PSCA: variants seen among roughly 807,000 people sequenced by gnomAD.
PSCA encodes prostate stem cell antigen.
A neutral mutation model predicts 7.9 loss-of-function variants in PSCA; 7 were observed. The ratio of observed to expected loss-of-function variants is 0.89; its 90% CI spans 0.51 to 1.67. PSCA has a LOEUF of 1.67. Ranked by LOEUF, PSCA falls within the 40% of genes most tolerant of loss-of-function variation. The probability of loss-of-function intolerance (pLI) is 0.00; values close to 1 mark genes in which losing one functional copy is unlikely to be tolerated. For missense variants in PSCA, 151 were observed against 147.9 expected, an observed-to-expected ratio of 1.02 and a Z score of -0.11; for synonymous variants, 61 against 68.3, an observed-to-expected ratio of 0.89 and a Z score of 0.53.
intron 1 of PSCA, among the ~76,000 whole-genome samples, chr8:142,671,944 C>T (rs587649751): frequency 8.5e-5 from 13 of 152,198 alleles, no homozygotes; most frequent in Non-Finnish European, 1.5e-4. Flanking sequence ...TTCTTTGGCT[C>T]TTTTTGTTCA....
chr8:142,682,120 CG>C lies in PSCA; in HGVS notation c.335del (p.Gly112AlafsTer141), dbSNP rs1563805911. ...CACTCGGCCTGCTGCTCTGGGGACCCGGCCAGCTCTAGGCTCTGGGGGGCCC... is the reference window on the plus strand; with the variant it reads ...CACTCGGCCTGCTGCTCTGGGGACCCGCCAGCTCTAGGCTCTGGGGGGCCC... ...PALGLLLWGPGQL is the reference protein window; with the variant it reads ...PALGLLLWGPXQL On this transcript the variant is annotated frameshift_variant, in exon 3 of 3. Transcript: ENST00000301258. LOFTEE classifies it high-confidence loss of function. 3.1e-6 allele frequency: 5 copies of C among 1,600,884 alleles called. No individual in the cohort carries two copies. Among genetic ancestry groups the C allele is most frequent in the Non-Finnish European group, 4.2e-6 (5 of 1,178,858 alleles).
chr8:142,679,270 G>A (rs782485518), upstream of PSCA, among the ~76,000 whole-genome samples: 25 of 152,310 alleles, frequency 1.6e-4, no homozygotes, highest in Non-Finnish European at 3.2e-4. Flanking sequence ...TCCCCGACTC[G>A]TTTGCAGCTA....
intron 2 of PSCA, 102 bp from the exon 3 acceptor site, chr8:142,681,819 G>A (rs1481841960): frequency 1.2e-6 from 1 of 829,352 alleles, no homozygotes. Flanking sequence ...AGCCCAGGGG[G>A]ACTCTAGAGC....
At chr8:142,670,899 A>C (rs1563801758) in intron 1 of PSCA, among the ~76,000 whole-genome samples, 1 of 152,212 alleles carries the variant, frequency 6.6e-6, no homozygotes, top group South Asian at 2.1e-4. Flanking sequence ...GGATGCTAAA[A>C]TCCTTGATGC....
rs1814641276 is a variant in PSCA, at chr8:142,681,714, G to T, written c.134-207G>T. 6.6e-6 allele frequency: 4 copies of T among 605,726 alleles called. No individual in the cohort carries two copies. The East Asian group carries it at 8.3e-5, about 13-fold the overall frequency. 37.5% of individuals were successfully genotyped at this position (605,726 alleles called of 1,614,324 possible). The stretch of plus-strand genomic sequence containing the variant: ...TCACTTACTCACTCACCCCATTTCT[G>T]ACGCTCAGCGGGTGGTCCATCTGCC... On this transcript the variant is annotated intron_variant, in intron 2 of 2. Coordinates refer to ENST00000301258, the MANE Select transcript of PSCA (RefSeq NM_005672.5).
At chr8:142,681,268 C>A in intron 1 of PSCA, 59 bp from the exon 2 acceptor site, 1 of 1,355,684 alleles carries the variant, frequency 7.4e-7, no homozygotes, top group South Asian at 1.3e-5. Context: ...CCTGGGAGCC[C>A]CCATTCCTGG....
Position 142,682,089 on chromosome 8 carries a change from T to C in PSCA, c.302T>C (p.Leu101Pro), listed in dbSNP as rs1374261806. 1.9e-6 allele frequency: 3 copies of C among 1,605,764 alleles called. No individual in the cohort carries two copies. Among genetic ancestry groups the C allele is most frequent in the African/African-American group, 1.3e-5 (1 of 74,932 alleles). ...CCGGCTGCTGCCATCCTTGCGCTGC[T>C]CCCTGCACTCGGCCTGCTGCTCTGG... ...LQPAAAILAL[L>P]PALGLLLWGP... The change falls in exon 3 of 3, where the codon CTC (leucine) becomes CCC (proline). Residue 101 changes from leucine to proline, a missense_variant. Transcript: ENST00000301258.
In PSCA at chr8:142,682,682, TCAGCA is replaced by T; in HGVS notation, c.*555_*559del. 2.9e-6 allele frequency: 1 copy of T among 344,812 alleles called. No homozygotes were observed. Among genetic ancestry groups the T allele is most frequent in the East Asian group, 7.5e-5 (1 of 13,274 alleles). 21.4% of individuals were successfully genotyped at this position (344,812 alleles called of 1,614,324 possible). On this transcript the variant is annotated 3_prime_UTR_variant, in exon 3 of 3. Coordinates refer to ENST00000301258, the MANE Select transcript of PSCA (RefSeq NM_005672.5). Reference sequence around the variant, plus strand: ...TCGTGGGGCTCCCTGAATGGCAGCCTCAGCACAGCGTAGGCCCTTAATAAACACCT... The same window carrying T: ...TCGTGGGGCTCCCTGAATGGCAGCCTCAGCGTAGGCCCTTAATAAACACCT...
upstream of PSCA, among the ~76,000 whole-genome samples, chr8:142,679,370 G>A (rs1456477019): frequency 1.3e-5 from 2 of 152,160 alleles, no homozygotes; most frequent in African/African-American, 4.8e-5. Flanking sequence ...ATAAATGAAG[G>A]CCCGTCCAAC....
Position 142,682,666 on chromosome 8 carries a change from T to G in PSCA, c.*534T>G. The stretch of plus-strand genomic sequence containing the variant: ...GGGCCAGGCCTCACATTCGTGGGGC[T>G]CCCTGAATGGCAGCCTCAGCACAGC... On this transcript the variant is annotated 3_prime_UTR_variant, in exon 3 of 3. Coordinates refer to ENST00000301258, the MANE Select transcript of PSCA (RefSeq NM_005672.5). The G allele has an allele frequency of 2.9e-6, 1 of 345,974 alleles. No homozygotes were observed. Among genetic ancestry groups the G allele is most frequent in the Non-Finnish European group, 5.8e-6 (1 of 173,318 alleles). 21.4% of individuals were successfully genotyped at this position (345,974 alleles called of 1,614,324 possible).
At position 142,681,434 on chromosome 8, in the gene PSCA, C is replaced by T. The variant is rs782393686; in HGVS notation, c.133C>T (p.Arg45Cys). 10 of 1,585,352 alleles carry T rather than the reference C, an allele frequency of 6.3e-6. No homozygotes were observed. The highest frequency in any genetic ancestry group is 4.6e-5 in the East Asian group (2 of 43,334). The part of the protein sequence containing the change: ...LGEQCWTARI[R>C]AVGLLTVISK... ...GGAGCAGTGCTGGACCGCGCGCATC[C>T]GTGAGTGGGGGGACGACAGCCGCCA... Residue 45 changes from arginine to cysteine, a missense_variant and splice_region_variant, in exon 2 of 3, where the codon CGC becomes TGC. Physicochemically the swap from Arg to Cys is radical, Grantham distance 180. Coordinates refer to ENST00000301258, the MANE Select transcript of PSCA (RefSeq NM_005672.5).
Position 142,673,572 on chromosome 8 carries a change from G to A in PSCA, n.261+3004G>A, listed in dbSNP as rs587771659. Among the ~76,000 whole-genome samples the A allele has an allele frequency of 3.3e-5, 5 of 152,320 alleles. No homozygotes were observed. Among genetic ancestry groups the A allele is most frequent in the South Asian group, 4.1e-4 (2 of 4,830 alleles). On this transcript the variant is annotated intron_variant and non_coding_transcript_variant, in intron 1 of 1. Coordinates refer to the PSCA transcript ENST00000505305. The surrounding 1 kb of genome is among the most constrained non-coding windows in gnomAD (Gnocchi z 4.6). Reference sequence around the variant, plus strand: ...TTAATTCATGCAGAGCCAGCTGAACGGGAGACCAGAGTTTTATCATCACTC... The same window carrying A: ...TTAATTCATGCAGAGCCAGCTGAACAGGAGACCAGAGTTTTATCATCACTC...
At chr8:142,680,784 A>T in intron 1 of PSCA, 1 of 627,608 alleles carries the variant, frequency 1.6e-6, no homozygotes, top group Non-Finnish European at 2.8e-6. Flanking sequence ...TTGCAGGGGC[A>T]GCACGGAGTC....
upstream of PSCA, among the ~76,000 whole-genome samples, chr8:142,676,794 C>T (rs1266321593): frequency 6.6e-6 from 1 of 152,232 alleles, no homozygotes; most frequent in Non-Finnish European, 1.5e-5. Flanking sequence ...CACACAGAGC[C>T]AGCTGACCGG....
chr8:142,681,559 C>T (rs1814635884), intron 2 of PSCA, 125 bp downstream of exon 2: 4 of 788,412 alleles, frequency 5.1e-6, no homozygotes, highest in Admixed American at 2.1e-5. Flanking sequence ...CCCGCACCTG[C>T]ACCCCCAACA....
chr8:142,674,188 CA>C (rs1847369060), intron 1 of PSCA, among the ~76,000 whole-genome samples: 1 of 148,416 alleles, frequency 6.7e-6, no homozygotes, highest in South Asian at 2.2e-4. Context: ...CTAACCTCTG[CA>C]GAGCTCAGAT....
Position 142,682,189 on chromosome 8 carries a change from C to CA in PSCA, c.*58dup. The CA allele has an allele frequency of 6.5e-7, 1 of 1,533,032 alleles. No individual in the cohort carries two copies. 95.0% of individuals were successfully genotyped at this position (1,533,032 alleles called of 1,614,324 possible). Reference sequence around the variant, plus strand: ...GGTGTGGTGCCCCAGGCCTCTGTGCCACTCCTCACACACCCGGCCCAGTGG... The same window carrying CA: ...GGTGTGGTGCCCCAGGCCTCTGTGCCAACTCCTCACACACCCGGCCCAGTGG... On this transcript the variant is annotated 3_prime_UTR_variant, in exon 3 of 3. Coordinates refer to ENST00000301258, the MANE Select transcript of PSCA (RefSeq NM_005672.5).
At chr8:142,674,482 T>A (rs2129857554) in intron 1 of PSCA, among the ~76,000 whole-genome samples, 1 of 152,384 alleles carries the variant, frequency 6.6e-6, no homozygotes, top group Non-Finnish European at 1.5e-5. Flanking sequence ...CATGCAGTGG[T>A]GGCCTTTCGT....
At chr8:142,674,079 C>T (rs587756691) in intron 1 of PSCA, among the ~76,000 whole-genome samples, 10 of 142,032 alleles carry the variant, frequency 7.0e-5, no homozygotes, top group African/African-American at 2.1e-4. Context: ...ATCCCCTCAT[C>T]TTCCTAATGA....
Sources: gnomAD v4.1 joint callset for allele counts (sites outside exome capture counted in the v4.1 genomes callset) on GRCh38, gnomAD v4.1.1 for gene constraint, Gnocchi (gnomAD v3.1) non-coding constraint, MANE v1.5 for transcripts, NCBI Gene and HGNC (gene_info 2026-07-23, HGNC 2026-07-21) for gene names.